Variants in FLNB observed in about 807,000 individuals in gnomAD.
FLNB encodes filamin-B.
Under a neutral mutation model 250.6 loss-of-function variants are expected in FLNB, and 111 were observed. That is an observed-to-expected ratio of 0.44 (90% confidence interval 0.38 to 0.52). The LOEUF is 0.52. FLNB is among the 20% of genes least tolerant of loss of function. FLNB has a pLI of 0.00. For synonymous variants in FLNB, 1,302 were observed against 1,372.1 expected (o/e 0.95, Z 1.13); for missense variants, 2,869 against 3,447.8 (o/e 0.83, Z 4.20).
At chr3:58,078,678 C>T (rs1440832948) in intron 2 of FLNB, 39 bp from the exon 3 acceptor site, 2 of 1,580,552 alleles carry the variant, frequency 1.3e-6, no homozygotes, top group Non-Finnish European at 1.7e-6. Context: ...TCTCTTTGGT[C>T]AGCTAATGCT....
intron 10 of FLNB, 112 bp downstream of exon 10, chr3:58,104,197 A>AATT: frequency 1.9e-6 from 2 of 1,076,356 alleles, no homozygotes; most frequent in Non-Finnish European, 2.6e-6. Flanking sequence ...TTTGTTGAAA[A>AATT]CTTTTTTTTT....
intron 42 of FLNB, chr3:58,162,921 G>A (rs1040839258): frequency 5.2e-5 from 29 of 562,914 alleles, no homozygotes; most frequent in Non-Finnish European, 8.7e-5. Context: ...AGGGGTCAGA[G>A]TCTTGTCCTG....
chr3:58,064,126 G>A (rs2097182145), intron 1 of FLNB, among the ~76,000 whole-genome samples: 1 of 152,172 alleles, frequency 6.6e-6, no homozygotes, highest in South Asian at 2.1e-4. Flanking sequence ...TGGGAGCTCA[G>A]TAGGCAGTTA....
chr3:58,123,837 G>A, intron 21 of FLNB, 147 bp downstream of exon 21: 1 of 692,060 alleles, frequency 1.4e-6, no homozygotes, highest in Non-Finnish European at 2.5e-6. Context: ...GCCTCGGGGA[G>A]TAGTTGGGGG....
chr3:58,048,613 C>G (rs1247401148), intron 1 of FLNB, among the ~76,000 whole-genome samples: 3 of 152,170 alleles, frequency 2.0e-5, no homozygotes, highest in Non-Finnish European at 4.4e-5. Context: ...TCCGCCTGCT[C>G]TCTGTTGAAA....
intron 29 of FLNB, among the ~76,000 whole-genome samples, chr3:58,140,900 C>T (rs1238231108): frequency 6.6e-6 from 1 of 152,192 alleles, no homozygotes; most frequent in African/African-American, 2.4e-5. Context: ...CCACTGCGCC[C>T]AGCCATGAGC....
intron 27 of FLNB, 51 bp downstream of exon 27, chr3:58,134,823 C>G: frequency 6.5e-7 from 1 of 1,548,070 alleles, no homozygotes. Flanking sequence ...GACTTAATTT[C>G]TGGGCCAGAT....
At chr3:58,165,561 C>T (rs1012643266) in intron 43 of FLNB, 2 of 152,240 alleles carry the variant, frequency 1.3e-5, no homozygotes, top group Non-Finnish European at 2.9e-5. Context: ...ACAAAGCAAA[C>T]CTCCCTCTGT....
At chr3:58,148,580 G>A in intron 35 of FLNB, 69 bp from the exon 36 acceptor site, 3 of 1,396,278 alleles carry the variant, frequency 2.1e-6, no homozygotes, top group African/African-American at 1.4e-5. Context: ...TTCTATTTCT[G>A]AGAGTGTGTC....
chr3:58,018,609 G>T (rs1295277064), intron 1 of FLNB, among the ~76,000 whole-genome samples: 1 of 151,946 alleles, frequency 6.6e-6, no homozygotes, highest in East Asian at 1.9e-4. Context: ...TCTGCCTCCC[G>T]GGTTCCAGCG....
chr3:58,077,172 C>T lies in FLNB; in HGVS notation c.419C>T (p.Thr140Met), dbSNP rs748857986. ...DEGDDDAKKQTPKQRLLGWIQ... is the reference protein window; with the variant it reads ...DEGDDDAKKQMPKQRLLGWIQ... Reference sequence around the variant, plus strand: ...GGGGATGATGATGCCAAGAAGCAGACGCCAAAGCAGAGGCTGCTGGGGTGG... The same window carrying T: ...GGGGATGATGATGCCAAGAAGCAGATGCCAAAGCAGAGGCTGCTGGGGTGG... The change falls in exon 2 of 46, where the codon ACG becomes ATG. Residue 140 changes from threonine (T) to methionine (M), a missense_variant. By Grantham distance (81) the Thr-to-Met change is moderately conservative (BLOSUM62 -1). Around this residue, in one of 5 missense-constraint regions of FLNB, gnomAD observed 308 missense variants for 466.1 expected, o/e 0.66. Transcript: ENST00000295956. The T allele has an allele frequency of 1.3e-5, 21 of 1,614,006 alleles. No individual in the cohort carries two copies. The Admixed American group carries it at 1.5e-4, about 12-fold the overall frequency.
chr3:58,122,906 T>C (rs1313519285), intron 20 of FLNB, among the ~76,000 whole-genome samples, 187 bp from the exon 21 acceptor site: 1 of 152,096 alleles, frequency 6.6e-6, no homozygotes, highest in Non-Finnish European at 1.5e-5. Context: ...GGTGATTGAG[T>C]TCTGAGGCAT....
At chr3:58,020,149 G>A (rs1044781810) in intron 1 of FLNB, among the ~76,000 whole-genome samples, 7 of 151,502 alleles carry the variant, frequency 4.6e-5, no homozygotes, top group African/African-American at 9.7e-5. Context: ...TGGTGACAGC[G>A]GACATAGGCA....
chr3:58,105,775 T>C lies in FLNB; in HGVS notation c.1747+559T>C, dbSNP rs368058659. ...ATACGTAAACAAACGTGTGTGGCCA[T>C]GTTCCAGTAAAACTTTATTTGCAAA... On this transcript the variant is annotated intron_variant, in intron 11 of 45. Transcript: ENST00000295956. Among the ~76,000 whole-genome samples the C allele has an allele frequency of 2.6e-4, 40 of 152,324 alleles. No homozygotes were observed. The East Asian group carries it at 5.6e-3, about 21-fold the overall frequency.
At chr3:58,044,328 G>A (rs1456754653) in intron 1 of FLNB, among the ~76,000 whole-genome samples, 2 of 152,156 alleles carry the variant, frequency 1.3e-5, no homozygotes, top group East Asian at 1.9e-4. Flanking sequence ...GCCAGGTGCC[G>A]TGTCATGCCT....
At chr3:58,152,938 G>A in intron 38 of FLNB, 1 of 313,674 alleles carries the variant, frequency 3.2e-6, no homozygotes, top group South Asian at 3.1e-5. Flanking sequence ...TGTGGCCCCT[G>A]GTCTTTGGTT....
Position 58,150,015 on chromosome 3 carries a change from C to T in FLNB, c.6244+13C>T. On this transcript the variant is annotated intron_variant, in intron 37 of 45. Coordinates refer to ENST00000295956, the MANE Select transcript of FLNB (RefSeq NM_001457.4). ...GAGCACGTGCCTGGTATGTGCATTC[C>T]ATTCCCCTCCAGGTGGGATGCTTGG... The T allele has an allele frequency of 6.2e-7, 1 of 1,614,274 alleles. No homozygotes were observed. Among genetic ancestry groups the T allele is most frequent in the Non-Finnish European group, 8.5e-7 (1 of 1,180,054 alleles).
intron 4 of FLNB, among the ~76,000 whole-genome samples, chr3:58,088,038 CTTTT>C (rs56009116): frequency 1.3e-4 from 11 of 84,508 alleles, no homozygotes; most frequent in East Asian, 9.1e-4. Flanking sequence ...GGCGCCCAGC[CTTTT>C]TTTTTTTTTT....
chr3:58,108,714 G>A (rs2097263672), intron 13 of FLNB, 143 bp downstream of exon 13: 2 of 673,272 alleles, frequency 3.0e-6, no homozygotes, highest in Non-Finnish European at 5.4e-6. Flanking sequence ...ATAGGGTTAT[G>A]TGAGGGTTCA....
Sources: gnomAD v4.1 joint callset for allele counts (sites outside exome capture counted in the v4.1 genomes callset) on GRCh38, gnomAD v4.1.1 for gene constraint, gnomAD v4.1.1 regional missense constraint, MANE v1.5 for transcripts, NCBI Gene and HGNC (gene_info 2026-07-23, HGNC 2026-07-21) for gene names.